The following TRABD2B variants were observed in gnomAD, a reference collection of about 807,000 sequenced individuals.
The protein encoded by TRABD2B is TraB domain containing 2B.
Under a neutral mutation model 40.1 loss-of-function variants are expected in TRABD2B, and 14 were observed. The ratio of observed to expected loss-of-function variants is 0.35; its 90% confidence interval spans 0.23 to 0.55. The LOEUF (loss-of-function observed/expected upper bound fraction) is 0.55. Ranked by LOEUF, TRABD2B falls within the 20% of genes least tolerant of loss-of-function variation. The probability of loss-of-function intolerance (pLI) is 0.90; values close to 1 mark genes in which losing one functional copy is unlikely to be tolerated. For synonymous variants in TRABD2B, 263 were observed against 277.0 expected (o/e 0.95, Z 0.50); for missense variants, 541 against 648.6 (o/e 0.83, Z 1.80).
chr1:47,873,699 G>A (rs1644177651), intron 2 of TRABD2B, among the ~76,000 whole-genome samples: 1 of 152,146 alleles, frequency 6.6e-6, no homozygotes, highest in Non-Finnish European at 1.5e-5. Flanking sequence ...GGTCTTGGTG[G>A]CCCTGTGAAG....
chr1:47,949,048 C>T (rs951551156), intron 2 of TRABD2B, among the ~76,000 whole-genome samples: 25 of 152,026 alleles, frequency 1.6e-4, no homozygotes, highest in East Asian at 1.9e-4. Flanking sequence ...TAAGGGCACA[C>T]GGGTTGTAAA....
At position 47,928,807 on chromosome 1, in the gene TRABD2B, A is replaced by C. The variant is rs546070226; in HGVS notation, c.666+65227T>G. Among the ~76,000 whole-genome samples, 25 of 152,324 alleles carry C rather than the reference A, an allele frequency of 1.6e-4. No homozygotes were observed. The South Asian group carries it at 4.3e-3, about 26-fold the overall frequency. On this transcript the variant is annotated intron_variant, in intron 2 of 6. Coordinates refer to ENST00000606738, the MANE Select transcript of TRABD2B (RefSeq NM_001194986.2). ...CCTCACTCTGAGCTCTTTCAGGCTC[A>C]CATCCCTCATTTTCACATGTCTGGA...
At chr1:47,936,124 G>A (rs1645103664) in intron 2 of TRABD2B, among the ~76,000 whole-genome samples, 1 of 152,204 alleles carries the variant, frequency 6.6e-6, no homozygotes, top group African/African-American at 2.4e-5. Flanking sequence ...CTCAAATGAG[G>A]TCAGGCAAGA....
chr1:47,767,619 T>C (rs1419394232), intron 6 of TRABD2B, among the ~76,000 whole-genome samples: 1 of 152,140 alleles, frequency 6.6e-6, no homozygotes, highest in Non-Finnish European at 1.5e-5. Context: ...AGGGCCAGGA[T>C]CTGAACTGGG....
At chr1:47,953,489 C>G (rs2148388606) in intron 2 of TRABD2B, among the ~76,000 whole-genome samples, 1 of 152,210 alleles carries the variant, frequency 6.6e-6, no homozygotes. Context: ...CACCCTATAC[C>G]TTCCTAAAAG....
At chr1:47,842,409 T>A (rs80111953) in intron 2 of TRABD2B, among the ~76,000 whole-genome samples, 3,585 of 152,232 alleles carry the variant, frequency 0.024, 114 homozygotes, top group Admixed American at 0.094. Context: ...CTCCTTTGCC[T>A]TTCTTATTCT....
intron 2 of TRABD2B, among the ~76,000 whole-genome samples, chr1:47,938,929 A>G (rs2148356997): frequency 2.4e-5 from 1 of 40,928 alleles, no homozygotes; most frequent in Non-Finnish European, 4.5e-5. Context: ...GAGTGTGTGC[A>G]TGAGACAGAC....
At position 47,765,706 on chromosome 1, in the gene TRABD2B, A is replaced by G. The variant is rs1462753828; in HGVS notation, c.*196T>C. 2 of 617,938 alleles carry G rather than the reference A, an allele frequency of 3.2e-6. No individual in the cohort carries two copies. The highest frequency in any genetic ancestry group is 5.8e-6 in the Non-Finnish European group (2 of 346,508). The allele number at this position is 617,938 out of a possible 1,614,324, so 38.3% of individuals were successfully genotyped here. A position where few individuals can be genotyped will look rare whatever the true frequency, so the allele number is the denominator to read the frequency against. ...GTATTTTACAAAAGAGCCCCATAGCACTATGGGAAATTAAGATCCTTCTAC... is the reference window on the plus strand; with the variant it reads ...GTATTTTACAAAAGAGCCCCATAGCGCTATGGGAAATTAAGATCCTTCTAC... On this transcript the variant is annotated 3_prime_UTR_variant, in exon 7 of 7. Transcript: ENST00000606738.
chr1:47,965,236 T>TGGGGGGGGGGGGG (rs1645585082), intron 2 of TRABD2B, among the ~76,000 whole-genome samples: 1 of 3,264 alleles, frequency 3.1e-4, no homozygotes, highest in Non-Finnish European at 5.8e-4. Context: ...GGGGGGTGGA[T>TGGGGGGGGGGGGG]GGGGAGGTGG....
At chr1:47,973,082 G>A (rs1645704531) in intron 2 of TRABD2B, among the ~76,000 whole-genome samples, 1 of 152,212 alleles carries the variant, frequency 6.6e-6, no homozygotes, top group Admixed American at 6.5e-5. Context: ...ATAAATACTT[G>A]TTGACAGACT....
intron 2 of TRABD2B, among the ~76,000 whole-genome samples, chr1:47,893,353 A>G (rs1644475769): frequency 6.6e-6 from 1 of 152,210 alleles, no homozygotes; most frequent in Non-Finnish European, 1.5e-5. Flanking sequence ...GGCCAGGCAG[A>G]GGGAGTGGCC....
intron 2 of TRABD2B, among the ~76,000 whole-genome samples, chr1:47,806,743 G>C (rs909261090): frequency 6.6e-6 from 1 of 152,238 alleles, no homozygotes; most frequent in East Asian, 1.9e-4. Context: ...GGTGGGAACA[G>C]GTTTATTGTT....
Position 47,920,677 on chromosome 1 carries a change from C to A in TRABD2B, c.666+73357G>T, listed in dbSNP as rs563977129. Among the ~76,000 whole-genome samples, 4 of 152,364 alleles carry A rather than the reference C, an allele frequency of 2.6e-5. No individual in the cohort carries two copies. In the East Asian group the frequency reaches 7.7e-4, roughly 29 times the overall value. ...TTAGCCACTGGTCAAAGGTCCCTGG[C>A]AGTGCCTGTCCCCTATCCTGAGCTG... On this transcript the variant is annotated intron_variant, in intron 2 of 6. Coordinates refer to ENST00000606738, the MANE Select transcript of TRABD2B (RefSeq NM_001194986.2).
intron 6 of TRABD2B, among the ~76,000 whole-genome samples, chr1:47,770,138 T>G (rs1442224718): frequency 6.6e-6 from 1 of 152,156 alleles, no homozygotes; most frequent in Non-Finnish European, 1.5e-5. Context: ...GGCTGTACCC[T>G]GACTGACCTC....
At chr1:47,951,430 C>G (rs1024347243) in intron 2 of TRABD2B, among the ~76,000 whole-genome samples, 1 of 152,190 alleles carries the variant, frequency 6.6e-6, no homozygotes, top group Non-Finnish European at 1.5e-5. Flanking sequence ...AGCACTGGAG[C>G]CAGGACCCTG....
At chr1:47,815,930 C>T (rs930431571) in intron 2 of TRABD2B, among the ~76,000 whole-genome samples, 1 of 152,212 alleles carries the variant, frequency 6.6e-6, no homozygotes. Flanking sequence ...TATATTCACA[C>T]ATGTAACAAG....
At chr1:47,933,965 T>G (rs1209939373) in intron 2 of TRABD2B, among the ~76,000 whole-genome samples, 7 of 152,190 alleles carry the variant, frequency 4.6e-5, no homozygotes, top group African/African-American at 1.7e-4. Context: ...TTTAATTTAG[T>G]TTAGGTTTAA....
At position 47,921,978 on chromosome 1, in the gene TRABD2B, G is replaced by A. The variant is rs186877149; in HGVS notation, c.666+72056C>T. Among the ~76,000 whole-genome samples, 1,149 of 152,290 alleles carry A rather than the reference G, an allele frequency of 7.5e-3. 14 individuals are homozygous for A. The highest frequency in any genetic ancestry group is 0.027 in the African/African-American group (1,109 of 41,560). ...CCCCAGTTGACAAGTAAGGAAACAT[G>A]TTCAGAGAGGGAAAGTAAGCTGTCC... On this transcript the variant is annotated intron_variant, in intron 2 of 6. Coordinates refer to ENST00000606738, the MANE Select transcript of TRABD2B (RefSeq NM_001194986.2).
At chr1:47,939,299 A>G (rs1408176444) in intron 2 of TRABD2B, among the ~76,000 whole-genome samples, 2 of 152,212 alleles carry the variant, frequency 1.3e-5, no homozygotes, top group Non-Finnish European at 2.9e-5. Flanking sequence ...AAGACATTCA[A>G]TGAGCAGGCT....
Sources: allele counts gnomAD v4.1 joint callset (sites outside exome capture counted in the v4.1 genomes callset), GRCh38; gene constraint gnomAD v4.1.1; transcripts MANE v1.5; gene names NCBI Gene and HGNC (gene_info 2026-07-23, HGNC 2026-07-21).